DYNC1I1: variants seen among roughly 807,000 people sequenced by gnomAD.
The protein encoded by DYNC1I1 is cytoplasmic dynein 1 intermediate chain 1.
DYNC1I1 carries 43 observed loss-of-function variants against 86.6 expected under a neutral mutation model. The ratio of observed to expected loss-of-function variants is 0.50; its 90% CI spans 0.39 to 0.64. DYNC1I1 has a LOEUF of 0.64. Ranked by LOEUF, DYNC1I1 falls within the 30% of genes least tolerant of loss-of-function variation. The pLI, the probability that DYNC1I1 is intolerant of heterozygous loss-of-function variation, is 0.00. For synonymous variants in DYNC1I1, 262 were observed against 283.7 expected (o/e 0.92, Z 0.77); for missense variants, 604 against 788.8 (o/e 0.77, Z 2.81).
rs527764156 is a variant in DYNC1I1 at position 95,927,859 on chromosome 7, T to G, written c.491-49653T>G. ...GAACTGATGCCAGCTGCTTTTTTAT[T>G]TCCCCCAAAATGTGGTTCACGCTAG... On this transcript the variant is annotated intron_variant, in intron 6 of 16. Transcript: ENST00000447467. Among the ~76,000 whole-genome samples, 4 of 152,324 alleles carry G rather than the reference T, an allele frequency of 2.6e-5. No homozygotes were observed. In the South Asian group the frequency reaches 6.2e-4, roughly 24 times the overall value.
Position 96,019,694 on chromosome 7 carries a change from A to T in DYNC1I1, c.970-8481A>T, listed in dbSNP as rs193239872. ...TTCAAGGTGTGAAAGAACTGTCAAG[A>T]ATAAGGACTTAAAATAGTTAAACCA... On this transcript the variant is annotated intron_variant, in intron 10 of 16. Coordinates refer to ENST00000447467, the MANE Select transcript of DYNC1I1 (RefSeq NM_001135556.2). Among the ~76,000 whole-genome samples the T allele has an allele frequency of 1.1e-4, 16 of 152,268 alleles. No homozygotes were observed. The East Asian group carries it at 2.5e-3, about 24-fold the overall frequency.
chr7:95,923,259 CAGGATAAGGT>C (rs1562944994), intron 6 of DYNC1I1, among the ~76,000 whole-genome samples: 1 of 151,876 alleles, frequency 6.6e-6, no homozygotes, highest in Admixed American at 6.6e-5. Flanking sequence ...TTTATTTGAC[CAGGATAAGGT>C]AGGACAAGAA....
chr7:95,775,521 T>C (rs1269624850), intron 1 of DYNC1I1, among the ~76,000 whole-genome samples: 1 of 152,232 alleles, frequency 6.6e-6, no homozygotes, highest in Non-Finnish European at 1.5e-5. Flanking sequence ...AGTGTATGTC[T>C]GTATCTTTCA....
chr7:95,889,766 A>G (rs1386940588), intron 6 of DYNC1I1, among the ~76,000 whole-genome samples: 1 of 152,220 alleles, frequency 6.6e-6, no homozygotes, highest in Non-Finnish European at 1.5e-5. Flanking sequence ...ACAACACCCC[A>G]TTAAAAAGTA....
chr7:96,108,412 T>C (rs1165878590), intron 16 of DYNC1I1, among the ~76,000 whole-genome samples: 4 of 152,196 alleles, frequency 2.6e-5, no homozygotes, highest in African/African-American at 9.7e-5. Context: ...AATGTCTTTA[T>C]ATGATTTTGA....
chr7:95,895,400 C>A (rs961541736), intron 6 of DYNC1I1, among the ~76,000 whole-genome samples: 15 of 152,156 alleles, frequency 9.9e-5, no homozygotes, highest in African/African-American at 3.6e-4. Context: ...ATGTTGAGTT[C>A]TTCGGCAATT....
chr7:95,965,994 C>T (rs563578130), intron 6 of DYNC1I1, among the ~76,000 whole-genome samples: 4 of 152,150 alleles, frequency 2.6e-5, no homozygotes, highest in Non-Finnish European at 5.9e-5. Flanking sequence ...GCCATGGCAG[C>T]TTCAGTTCCA....
At chr7:95,919,685 A>G (rs1219003565) in intron 6 of DYNC1I1, among the ~76,000 whole-genome samples, 1 of 152,218 alleles carries the variant, frequency 6.6e-6, no homozygotes, top group Admixed American at 6.5e-5. Flanking sequence ...GATATTTAAA[A>G]CAGCTCAAAA....
At position 96,004,031 on chromosome 7, in the gene DYNC1I1, T is replaced by C. The variant is rs1326346075; in HGVS notation, c.969+7958T>C. Among the ~76,000 whole-genome samples the C allele has an allele frequency of 6.6e-5, 10 of 152,340 alleles. No homozygotes were observed. In the South Asian group the frequency reaches 1.9e-3, roughly 28 times the overall value. On this transcript the variant is annotated intron_variant, in intron 10 of 16. Transcript: ENST00000447467. ...TGATTCTCCAAGAGTCACATTCTTA[T>C]TGTAATACATTTTAGACAGTGACTT...
chr7:95,970,809 A>G (rs1305619439), intron 6 of DYNC1I1, among the ~76,000 whole-genome samples: 1 of 152,162 alleles, frequency 6.6e-6, no homozygotes, highest in Admixed American at 6.5e-5. Context: ...CTAATTTTAC[A>G]CGGTATGAGA....
intron 10 of DYNC1I1, among the ~76,000 whole-genome samples, chr7:96,011,940 G>A (rs1794286250): frequency 6.6e-6 from 1 of 152,160 alleles, no homozygotes; most frequent in African/African-American, 2.4e-5. Context: ...GTTTTCCCAA[G>A]TGACACATAC....
intron 8 of DYNC1I1, among the ~76,000 whole-genome samples, chr7:95,986,184 G>A (rs554857547): frequency 6.6e-6 from 1 of 152,238 alleles, no homozygotes; most frequent in South Asian, 2.1e-4. Context: ...GTCTGAACAA[G>A]AGCCATATAA....
At chr7:95,867,621 C>T (rs1182749651) in intron 5 of DYNC1I1, among the ~76,000 whole-genome samples, 7 of 152,194 alleles carry the variant, frequency 4.6e-5, no homozygotes, top group African/African-American at 9.7e-5. Context: ...CTGCAGCTTA[C>T]GTCATGTTAG....
At chr7:95,978,732 A>T (rs1230578419) in intron 7 of DYNC1I1, among the ~76,000 whole-genome samples, 1 of 152,206 alleles carries the variant, frequency 6.6e-6, no homozygotes, top group Non-Finnish European at 1.5e-5. Context: ...TTGTGCTCTC[A>T]TGAGAAAATT....
At chr7:95,885,735 C>T (rs1337610040) in intron 6 of DYNC1I1, among the ~76,000 whole-genome samples, 5 of 152,192 alleles carry the variant, frequency 3.3e-5, no homozygotes, top group Admixed American at 2.6e-4. Context: ...AGTCCTCCTG[C>T]CTTAGCCTCC....
At chr7:96,076,268 C>G in intron 15 of DYNC1I1, 71 bp downstream of exon 15, 1 of 1,569,166 alleles carries the variant, frequency 6.4e-7, no homozygotes, top group Admixed American at 1.9e-5. Context: ...GCAGTCTCTC[C>G]CTCTTTCTCC....
chr7:96,096,881 G>A (rs544710821), intron 16 of DYNC1I1, among the ~76,000 whole-genome samples: 59 of 152,198 alleles, frequency 3.9e-4, no homozygotes, highest in African/African-American at 1.4e-3. Flanking sequence ...TGACGAATGA[G>A]TTAATGCATG....
At chr7:96,025,845 G>T (rs557735405) in intron 10 of DYNC1I1, among the ~76,000 whole-genome samples, 2 of 151,702 alleles carry the variant, frequency 1.3e-5, no homozygotes, top group African/African-American at 2.4e-5. Flanking sequence ...GCTTGCGGGG[G>T]GGGGATATTT....
At chr7:95,897,610 A>G (rs1218238120) in intron 6 of DYNC1I1, among the ~76,000 whole-genome samples, 3 of 152,184 alleles carry the variant, frequency 2.0e-5, no homozygotes, top group African/African-American at 7.2e-5. Flanking sequence ...GTGTTGATTA[A>G]ACAAGATTAT....
Sources: allele counts gnomAD v4.1 joint callset (sites outside exome capture counted in the v4.1 genomes callset), GRCh38; gene constraint gnomAD v4.1.1; transcripts MANE v1.5; gene names NCBI Gene and HGNC (gene_info 2026-07-23, HGNC 2026-07-21).